The following EPHA5 variants were observed in gnomAD, a reference collection of about 807,000 sequenced individuals.
EPHA5 encodes EPH receptor A5.
A neutral mutation model predicts 105.0 loss-of-function variants in EPHA5; 60 were observed. The ratio of observed to expected loss-of-function variants is 0.57; its 90% CI spans 0.46 to 0.71. The LOEUF (loss-of-function observed/expected upper bound fraction) is 0.71, where lower values mean the gene tolerates loss of function less well. Ranked by LOEUF, EPHA5 falls within the 30% of genes least tolerant of loss-of-function variation. The pLI is 0.00. For synonymous variants in EPHA5, 513 were observed against 449.1 expected (o/e 1.14, Z -1.80); for missense variants, 1,218 against 1,274.7 (o/e 0.96, Z 0.68).
intron 3 of EPHA5, among the ~76,000 whole-genome samples, chr4:65,576,115 A>AAAAAGAAAAG (rs1214473624): frequency 2.2e-5 from 1 of 45,690 alleles, no homozygotes; most frequent in Admixed American, 2.3e-4. Context: ...AAAGAAAAGA[A>AAAAAGAAAAG]AAAAGAAAAG....
At chr4:65,494,081 A>T (rs1375139493) in intron 4 of EPHA5, among the ~76,000 whole-genome samples, 2 of 152,188 alleles carry the variant, frequency 1.3e-5, no homozygotes, top group African/African-American at 4.8e-5. Flanking sequence ...TCCTTACAAA[A>T]GAGCATATAA....
chr4:65,376,584 A>T (rs1719030030), intron 8 of EPHA5, among the ~76,000 whole-genome samples: 2 of 152,024 alleles, frequency 1.3e-5, no homozygotes, highest in Admixed American at 6.6e-5. Context: ...ACAATAGAAG[A>T]TCCAAGTTAT....
intron 3 of EPHA5, among the ~76,000 whole-genome samples, chr4:65,531,586 T>C (rs1240663268): frequency 1.3e-5 from 2 of 151,048 alleles, no homozygotes; most frequent in African/African-American, 4.8e-5. Context: ...CTTTGCAGAA[T>C]GACAATGATC....
intron 1 of EPHA5, among the ~76,000 whole-genome samples, chr4:65,662,995 C>A (rs1290370751): frequency 6.6e-6 from 1 of 152,118 alleles, no homozygotes; most frequent in African/African-American, 2.4e-5. Context: ...CTAGGTTCTA[C>A]TTTTGTTTGA....
At chr4:65,555,656 G>A (rs1738363837) in intron 3 of EPHA5, among the ~76,000 whole-genome samples, 1 of 140,980 alleles carries the variant, frequency 7.1e-6, no homozygotes, top group Admixed American at 6.8e-5. Flanking sequence ...TTCGAAGCTG[G>A]GCTACTTCAT....
intron 3 of EPHA5, among the ~76,000 whole-genome samples, chr4:65,581,016 A>G (rs1236630493): frequency 1.3e-5 from 2 of 151,788 alleles, no homozygotes; most frequent in Non-Finnish European, 3.0e-5. Flanking sequence ...CTTTGGTGTC[A>G]CTGCCAGCAA....
chr4:65,592,585 G>A (rs961293550), intron 3 of EPHA5, among the ~76,000 whole-genome samples: 1 of 152,086 alleles, frequency 6.6e-6, no homozygotes, highest in African/African-American at 2.4e-5. Flanking sequence ...GCTGTTACCT[G>A]ATAACCTCCT....
chr4:65,455,256 AAAAT>A (rs767533616), intron 5 of EPHA5, among the ~76,000 whole-genome samples: 45 of 152,156 alleles, frequency 3.0e-4, no homozygotes, highest in South Asian at 1.2e-3. Flanking sequence ...AAATAAAATA[AAAAT>A]AAATAAATAA....
chr4:65,574,711 T>TAC (rs1560718043), intron 3 of EPHA5, among the ~76,000 whole-genome samples: 3 of 87,416 alleles, frequency 3.4e-5, no homozygotes, highest in Admixed American at 1.2e-4. Flanking sequence ...TATATATACA[T>TAC]ATATATATAC....
intron 3 of EPHA5, among the ~76,000 whole-genome samples, chr4:65,598,219 G>T (rs1743371967): frequency 1.3e-5 from 2 of 151,988 alleles, no homozygotes; most frequent in Non-Finnish European, 2.9e-5. Context: ...TTCTCTAATA[G>T]TATGTGAAGT....
chr4:65,488,787 C>G (rs1332478269), intron 5 of EPHA5, among the ~76,000 whole-genome samples: 1 of 151,808 alleles, frequency 6.6e-6, no homozygotes, highest in Non-Finnish European at 1.5e-5. Context: ...ATTCCTATTG[C>G]ATTAATCACA....
intron 5 of EPHA5, among the ~76,000 whole-genome samples, chr4:65,431,871 C>G (rs1725013482): frequency 6.6e-6 from 1 of 151,758 alleles, no homozygotes; most frequent in Non-Finnish European, 1.5e-5. Flanking sequence ...AGAAAAAGAA[C>G]AAGCATGTGG....
chr4:65,589,207 G>T (rs189781661), intron 3 of EPHA5, among the ~76,000 whole-genome samples: 1 of 151,846 alleles, frequency 6.6e-6, no homozygotes, highest in South Asian at 2.1e-4. Context: ...ACTAAAACTC[G>T]ATTTCTTTGA....
intron 3 of EPHA5, among the ~76,000 whole-genome samples, chr4:65,496,202 A>G (rs1036122548): frequency 2.0e-5 from 3 of 149,568 alleles, no homozygotes; most frequent in African/African-American, 7.7e-5. Flanking sequence ...TATACAAATT[A>G]TAATGATTTC....
chr4:65,586,681 C>T (rs1298944394), intron 3 of EPHA5, among the ~76,000 whole-genome samples: 1 of 151,678 alleles, frequency 6.6e-6, no homozygotes, highest in Non-Finnish European at 1.5e-5. Context: ...TATATTTAAG[C>T]ATAACAAAGC....
In EPHA5 at chr4:65,344,784, G is replaced by A. The variant is rs573954686; in HGVS notation, c.2595+3270C>T. ...AGAATAGAAAGTAGTAAATGGGTCT[G>A]GTCTTAGTCTAGACTAAGATCAAGA... On this transcript the variant is annotated intron_variant, in intron 14 of 16. Coordinates refer to ENST00000613740, the MANE Select transcript of EPHA5 (RefSeq NM_001281766.3). Among the ~76,000 whole-genome samples, 5 of 152,192 alleles carry A rather than the reference G, an allele frequency of 3.3e-5. No individual in the cohort carries two copies. The South Asian group carries it at 8.3e-4, about 25-fold the overall frequency.
chr4:65,334,022 A>G (rs1720940344), intron 15 of EPHA5, among the ~76,000 whole-genome samples: 1 of 151,838 alleles, frequency 6.6e-6, no homozygotes, highest in Non-Finnish European at 1.5e-5. Flanking sequence ...CAATATTAAT[A>G]CCACCTTATT....
intron 3 of EPHA5, among the ~76,000 whole-genome samples, chr4:65,531,529 T>C (rs1560656946): frequency 6.8e-6 from 1 of 145,994 alleles, no homozygotes; most frequent in Non-Finnish European, 1.5e-5. Context: ...CTTTGCAGAA[T>C]GACCATGATC....
chr4:65,344,264 C>A (rs1722008390), intron 14 of EPHA5, among the ~76,000 whole-genome samples: 1 of 152,048 alleles, frequency 6.6e-6, no homozygotes, highest in Non-Finnish European at 1.5e-5. Flanking sequence ...CACGTTTGGG[C>A]TAGCTGCTGG....
Sources: allele counts gnomAD v4.1 joint callset (sites outside exome capture counted in the v4.1 genomes callset), GRCh38; gene constraint gnomAD v4.1.1; transcripts MANE v1.5; gene names NCBI Gene and HGNC (gene_info 2026-07-23, HGNC 2026-07-21).